The following WNT7B variants were observed in gnomAD, a reference collection of about 807,000 sequenced individuals.
WNT7B encodes protein Wnt-7b.
WNT7B carries 19 observed loss-of-function variants against 38.2 expected under a neutral mutation model. That is an observed-to-expected ratio of 0.50 (90% CI 0.35 to 0.73). WNT7B has a LOEUF of 0.73. WNT7B is among the 30% of genes least tolerant of loss of function. WNT7B has a pLI of 0.01. For synonymous variants in WNT7B, 243 were observed against 209.3 expected (o/e 1.16, Z -1.39); for missense variants, 423 against 507.9 (o/e 0.83, Z 1.61).
chr22:45,947,460 G>C (rs1349363992), intron 2 of WNT7B, among the ~76,000 whole-genome samples: 2 of 152,256 alleles, frequency 1.3e-5, no homozygotes, highest in Non-Finnish European at 2.9e-5. Context: ...AACTGGCCGG[G>C]AGAAAGCTGG....
At chr22:45,931,767 C>T (rs1050928372) in intron 2 of WNT7B, among the ~76,000 whole-genome samples, 1 of 152,164 alleles carries the variant, frequency 6.6e-6, no homozygotes, top group Non-Finnish European at 1.5e-5. Flanking sequence ...GGTGTCCATG[C>T]CTCTGCTCCT....
At position 45,976,967 on chromosome 22, in the gene WNT7B, T is replaced by A; in HGVS notation, c.-213A>T. On this transcript the variant is annotated 5_prime_UTR_variant, in exon 1 of 4. Transcript: ENST00000339464. This position sits in a 1 kb window ranked among gnomAD's most constrained non-coding sequence, Gnocchi z 8.5. Reference sequence around the variant, plus strand: ...GCCACCGCCGCGTGAGCCCGGGGAATTGACCCAGGCTGGGGGCCGCGACCT... The same window carrying A: ...GCCACCGCCGCGTGAGCCCGGGGAAATGACCCAGGCTGGGGGCCGCGACCT... 1 of 987,458 alleles carries A rather than the reference T, an allele frequency of 1.0e-6. No homozygotes were observed. The highest frequency in any genetic ancestry group is 1.2e-6 in the Non-Finnish European group (1 of 831,864). The allele number at this position is 987,458 out of a possible 1,614,324, so 61.2% of individuals were successfully genotyped here.
In WNT7B at chr22:45,923,259, G is replaced by C. The variant is rs1281402458; in HGVS notation, c.647C>G (p.Thr216Ser). Residue 216 changes from threonine to serine, a missense_variant, in exon 4 of 4, where the codon ACC becomes AGC. Physicochemically the swap from Thr to Ser is moderately conservative, Grantham distance 58. Coordinates refer to ENST00000339464, the MANE Select transcript of WNT7B (RefSeq NM_058238.3). ...SGSCTTKTCW[T>S]TLPKFREVGH... is the part of the protein sequence containing the mutation. ...CACCTCTCGGAACTTGGGCAGCGTG[G>C]TCCAGCAGGTTTTGGTGGTGCAGGA... 1 of 1,613,634 alleles carries C rather than the reference G, an allele frequency of 6.2e-7. No individual in the cohort carries two copies. Among genetic ancestry groups the C allele is most frequent in the Non-Finnish European group, 8.5e-7 (1 of 1,179,998 alleles).
chr22:45,925,579 C>A (rs776218672), intron 3 of WNT7B: 13 of 985,098 alleles, frequency 1.3e-5, no homozygotes, highest in Non-Finnish European at 1.6e-5. Flanking sequence ...GCCTCCTGTC[C>A]CTCTCCCATC....
intron 1 of WNT7B, chr22:45,972,120 A>ACCCC: frequency 6.4e-6 from 1 of 155,366 alleles, no homozygotes; most frequent in South Asian, 5.2e-5. Flanking sequence ...GGGGGAGCCC[A>ACCCC]CCCGCCCACC....
chr22:45,969,320 G>C (rs995286734), intron 1 of WNT7B, among the ~76,000 whole-genome samples: 9 of 152,356 alleles, frequency 5.9e-5, no homozygotes, highest in African/African-American at 2.2e-4. Context: ...GACCTGGGGG[G>C]GTCGTCAGAG....
intron 2 of WNT7B, among the ~76,000 whole-genome samples, chr22:45,931,850 T>G (rs1432727951): frequency 6.6e-6 from 1 of 152,050 alleles, no homozygotes; most frequent in African/African-American, 2.4e-5. Flanking sequence ...GGACCAGGCA[T>G]GCATGGCTGA....
intron 3 of WNT7B, among the ~76,000 whole-genome samples, chr22:45,928,508 C>A (rs140333154): frequency 6.6e-6 from 1 of 150,510 alleles, no homozygotes; most frequent in East Asian, 1.9e-4. Flanking sequence ...ACCGGCCATC[C>A]GAGACAAGGC....
chr22:45,930,704 C>G (rs147116356), intron 3 of WNT7B, among the ~76,000 whole-genome samples: 243 of 152,320 alleles, frequency 1.6e-3, no homozygotes, highest in African/African-American at 5.6e-3. Flanking sequence ...GCTGCCTCTG[C>G]CAGGAAGTCT....
At chr22:45,929,653 C>T (rs1166012714) in intron 3 of WNT7B, among the ~76,000 whole-genome samples, 33 of 122,016 alleles carry the variant, frequency 2.7e-4, no homozygotes, top group African/African-American at 9.9e-4. Flanking sequence ...CTCATCCATC[C>T]TTCCACCCAC....
At chr22:45,948,530 A>C (rs1223474497) in intron 2 of WNT7B, among the ~76,000 whole-genome samples, 1 of 152,234 alleles carries the variant, frequency 6.6e-6, no homozygotes, top group Non-Finnish European at 1.5e-5. Context: ...CTCCAGGATC[A>C]GAAGGACATG....
intron 3 of WNT7B, chr22:45,926,199 C>T: frequency 1.0e-6 from 1 of 985,414 alleles, no homozygotes; most frequent in Non-Finnish European, 1.2e-6. Flanking sequence ...CAAGAATGTG[C>T]CGTTTCCTTC....
At chr22:45,932,472 C>T (rs1460118992) in intron 2 of WNT7B, among the ~76,000 whole-genome samples, 1 of 151,694 alleles carries the variant, frequency 6.6e-6, no homozygotes, top group Non-Finnish European at 1.5e-5. Flanking sequence ...CTGATTTGAC[C>T]CAGATCCGGA....
At chr22:45,941,080 G>A (rs370259139) in intron 2 of WNT7B, among the ~76,000 whole-genome samples, 5 of 152,232 alleles carry the variant, frequency 3.3e-5, no homozygotes, top group African/African-American at 9.6e-5. Context: ...CCCACCGGGA[G>A]GCCTGTGCAA....
intron 3 of WNT7B, chr22:45,926,813 C>T: frequency 2.0e-6 from 2 of 985,442 alleles, no homozygotes; most frequent in Non-Finnish European, 2.4e-6. Flanking sequence ...GAAGTTACAT[C>T]ATGAGCCACT....
At chr22:45,946,898 TC>T (rs1380927079) in intron 2 of WNT7B, among the ~76,000 whole-genome samples, 2 of 152,186 alleles carry the variant, frequency 1.3e-5, no homozygotes, top group Non-Finnish European at 2.9e-5. Flanking sequence ...CAGCCCAAGG[TC>T]AACGCCTGAA....
chr22:45,962,209 C>CACAGCCATGGGGTCCATT (rs1419399005), intron 1 of WNT7B, among the ~76,000 whole-genome samples: 2 of 152,202 alleles, frequency 1.3e-5, no homozygotes, highest in East Asian at 3.8e-4. Flanking sequence ...GTGGATGAGC[C>CACAGCCATGGGGTCCATT]ACAGCCATGG....
At chr22:45,935,127 G>A (rs1185541042) in intron 2 of WNT7B, among the ~76,000 whole-genome samples, 2 of 152,172 alleles carry the variant, frequency 1.3e-5, no homozygotes, top group East Asian at 1.9e-4. Flanking sequence ...TCCTGGGGCC[G>A]TGACTGGGCA....
intron 3 of WNT7B, chr22:45,927,111 C>G: frequency 1.0e-6 from 1 of 984,616 alleles, no homozygotes; most frequent in Non-Finnish European, 1.2e-6. Flanking sequence ...CTTGCCTTCA[C>G]TGGGTTGGTC....
Sources: gnomAD v4.1 joint callset for allele counts (sites outside exome capture counted in the v4.1 genomes callset) on GRCh38, gnomAD v4.1.1 for gene constraint, Gnocchi (gnomAD v3.1) non-coding constraint, MANE v1.5 for transcripts, NCBI Gene and HGNC (gene_info 2026-07-23, HGNC 2026-07-21) for gene names.